The following OTOGL variants were observed in gnomAD, a reference collection of about 807,000 sequenced individuals.
OTOGL encodes the protein otogelin-like protein.
OTOGL carries 285 observed loss-of-function variants against 318.5 expected under a neutral mutation model. The observed-to-expected ratio is 0.89, with a 90% CI of 0.81 to 0.99. OTOGL has a LOEUF of 0.99. Among genes scored for constraint, OTOGL ranks in the 50% least tolerant of loss-of-function variants. The probability of loss-of-function intolerance (pLI) is 0.00; values close to 1 mark genes in which losing one functional copy is unlikely to be tolerated. For synonymous variants in OTOGL, 987 were observed against 936.5 expected, an observed-to-expected ratio of 1.05 and a Z score of -0.99; for missense variants, 2,899 against 2,845.6, an observed-to-expected ratio of 1.02 and a Z score of -0.43.
At chr12:80,328,585 C>T (rs920683236) in intron 35 of OTOGL, 80 bp from the exon 36 acceptor site, 11 of 1,041,632 alleles carry the variant, frequency 1.1e-5, no homozygotes, top group African/African-American at 4.8e-5. Context: ...ATATCTTAGT[C>T]GCATATGTTA....
chr12:80,104,384 T>C (rs2137068327), intron 1 of OTOGL, among the ~76,000 whole-genome samples: 1 of 152,304 alleles, frequency 6.6e-6, no homozygotes, highest in South Asian at 2.1e-4. Context: ...CTGGGGGAGC[T>C]TTAAAAAATG....
At chr12:80,157,602 A>G (rs1206812840) in intron 1 of OTOGL, among the ~76,000 whole-genome samples, 2 of 152,142 alleles carry the variant, frequency 1.3e-5, no homozygotes, top group Non-Finnish European at 2.9e-5. Flanking sequence ...TAATTTTTGT[A>G]TATGGTGAGA....
chr12:80,307,302 C>G (rs905978946), intron 29 of OTOGL, among the ~76,000 whole-genome samples: 3 of 151,632 alleles, frequency 2.0e-5, no homozygotes, highest in Non-Finnish European at 4.4e-5. Flanking sequence ...CATCATGGCC[C>G]GTTCTCAATG....
intron 1 of OTOGL, among the ~76,000 whole-genome samples, chr12:80,185,607 T>C (rs1875235231): frequency 6.6e-6 from 1 of 152,140 alleles, no homozygotes; most frequent in African/African-American, 2.4e-5. Context: ...GTTAATGTCA[T>C]TGTGTTTCAG....
chr12:80,106,195 A>G (rs1285079707), intron 1 of OTOGL, among the ~76,000 whole-genome samples: 2 of 152,210 alleles, frequency 1.3e-5, no homozygotes, highest in Non-Finnish European at 2.9e-5. Flanking sequence ...TTATGCATGA[A>G]ATGATGAAGG....
intron 1 of OTOGL, among the ~76,000 whole-genome samples, chr12:80,113,853 A>G (rs1288649847): frequency 6.6e-6 from 1 of 152,126 alleles, no homozygotes; most frequent in South Asian, 2.1e-4. Flanking sequence ...TGTTGCATTG[A>G]TTCCTTTACC....
intron 1 of OTOGL, among the ~76,000 whole-genome samples, chr12:80,113,672 T>A (rs1156366179): frequency 1.3e-5 from 2 of 152,166 alleles, no homozygotes; most frequent in African/African-American, 4.8e-5. Context: ...TGAGTTCAAG[T>A]CCTGAATATC....
rs368651782 is a variant in OTOGL, at chr12:80,341,338, G to A, written c.5051-610G>A. 1.6e-4 allele frequency among the ~76,000 whole-genome samples: 24 copies of A among 152,198 alleles called. No homozygotes were observed. The East Asian group carries it at 4.3e-3, about 27-fold the overall frequency. ...TGAGCTTGACAATAGTTGTCCCTAT[G>A]TTGAATAAATTCATGTGCCTAGGTG... On this transcript the variant is annotated intron_variant, in intron 43 of 58. Transcript: ENST00000547103.
intron 28 of OTOGL, among the ~76,000 whole-genome samples, chr12:80,303,167 T>A (rs76113593): frequency 0.04 from 6,058 of 152,322 alleles, 177 homozygotes; most frequent in Middle Eastern, 0.071. Flanking sequence ...TATTATTTTT[T>A]TTTTTTGAGA....
chr12:80,255,738 T>C (rs1881977368), intron 16 of OTOGL, among the ~76,000 whole-genome samples: 1 of 152,076 alleles, frequency 6.6e-6, no homozygotes, highest in Non-Finnish European at 1.5e-5. Context: ...AATCTAGGTC[T>C]TTCATTCATC....
At chr12:80,348,810 T>G (rs1889363962) in intron 44 of OTOGL, among the ~76,000 whole-genome samples, 1 of 152,214 alleles carries the variant, frequency 6.6e-6, no homozygotes, top group African/African-American at 2.4e-5. Context: ...GAGTTTTTTC[T>G]GCCAAAATGC....
At chr12:80,367,062 A>G (rs572510143) in intron 53 of OTOGL, among the ~76,000 whole-genome samples, 3 of 151,794 alleles carry the variant, frequency 2.0e-5, no homozygotes, top group Middle Eastern at 3.4e-3. Context: ...CTGCAGCCTC[A>G]AACTTCTGGG....
chr12:80,352,527 C>A, intron 45 of OTOGL, 91 bp downstream of exon 45: 1 of 1,094,094 alleles, frequency 9.1e-7, no homozygotes, highest in Admixed American at 3.4e-5. Context: ...TTATCATGAA[C>A]TAATTTAGTA....
rs377243056 is a variant in OTOGL at position 80,358,808 on chromosome 12, T to C, written c.6226+33T>C. The C allele has an allele frequency of 4.5e-6, 7 of 1,559,766 alleles. No individual in the cohort carries two copies. In the African/African-American group the frequency reaches 6.8e-5, roughly 15 times the overall value. ...ATTTTCATATTTTAAGGTTTCATTA[T>C]AATAAGTTAATTATTTTGATCAATG... On this transcript the variant is annotated intron_variant, in intron 51 of 58. Transcript: ENST00000547103.
intron 1 of OTOGL, among the ~76,000 whole-genome samples, chr12:80,110,861 T>G (rs1465823291): frequency 6.6e-6 from 1 of 152,236 alleles, no homozygotes; most frequent in Non-Finnish European, 1.5e-5. Context: ...TAATTTACAC[T>G]CCCACCAACA....
chr12:80,263,163 G>A (rs555104500), intron 19 of OTOGL, among the ~76,000 whole-genome samples: 3 of 151,956 alleles, frequency 2.0e-5, no homozygotes, highest in African/African-American at 7.2e-5. Flanking sequence ...ATAATAACAC[G>A]GCTAGACTAG....
intron 44 of OTOGL, among the ~76,000 whole-genome samples, chr12:80,348,953 TTTTA>T (rs1441506124): frequency 6.6e-6 from 1 of 152,202 alleles, no homozygotes; most frequent in African/African-American, 2.4e-5. Flanking sequence ...AACAGGTCTG[TTTTA>T]TTTGTCTTTA....
intron 46 of OTOGL, among the ~76,000 whole-genome samples, chr12:80,355,233 T>C (rs28706757): frequency 3.9e-4 from 55 of 140,712 alleles, no homozygotes; most frequent in African/African-American, 1.0e-3. Flanking sequence ...TCTTTTCTTT[T>C]TTTTTTTTTT....
intron 32 of OTOGL, among the ~76,000 whole-genome samples, chr12:80,315,116 A>T (rs1476296567): frequency 2.6e-5 from 4 of 152,210 alleles, no homozygotes. Flanking sequence ...GTCAAAGGGC[A>T]CAAAGTTTCA....
Sources: allele counts gnomAD v4.1 joint callset (sites outside exome capture counted in the v4.1 genomes callset), GRCh38; gene constraint gnomAD v4.1.1; transcripts MANE v1.5; gene names NCBI Gene and HGNC (gene_info 2026-07-23, HGNC 2026-07-21).